The following KIF13B variants were observed in gnomAD, a reference collection of about 807,000 sequenced individuals.
KIF13B encodes the protein kinesin family member 13B.
In KIF13B, 127 loss-of-function variants were observed where a neutral mutation model predicts 222.0. The observed-to-expected ratio is 0.57, with a 90% confidence interval of 0.50 to 0.66. KIF13B has a LOEUF of 0.66. Ranked by LOEUF, KIF13B falls within the 30% of genes least tolerant of loss-of-function variation. The probability of loss-of-function intolerance (pLI) is 0.00; values close to 1 mark genes in which losing one functional copy is unlikely to be tolerated. For missense variants in KIF13B, 2,173 were observed against 2,379.0 expected, an observed-to-expected ratio of 0.91 and a Z score of 1.80; for synonymous variants, 976 against 919.0, an observed-to-expected ratio of 1.06 and a Z score of -1.12.
chr8:29,256,128 T>C (rs1234777873), intron 1 of KIF13B, among the ~76,000 whole-genome samples: 1 of 152,240 alleles, frequency 6.6e-6, no homozygotes, highest in African/African-American at 2.4e-5. Context: ...CTGCATCTTA[T>C]TCATAGTTGC....
chr8:29,126,335 G>T, intron 26 of KIF13B, 147 bp downstream of exon 26: 1 of 609,524 alleles, frequency 1.6e-6, no homozygotes, highest in East Asian at 2.9e-5. Context: ...AACACTCAAT[G>T]TTCCCTACTC....
chr8:29,094,627 T>C (rs1329468658), intron 36 of KIF13B, among the ~76,000 whole-genome samples: 1 of 152,178 alleles, frequency 6.6e-6, no homozygotes, highest in Non-Finnish European at 1.5e-5. Flanking sequence ...ATGAATCACA[T>C]GGATATATAC....
intron 31 of KIF13B, 56 bp downstream of exon 31, chr8:29,116,775 G>A (rs1809617654): frequency 2.6e-6 from 4 of 1,521,752 alleles, no homozygotes; most frequent in Non-Finnish European, 2.7e-6. Context: ...GCACTGCACG[G>A]CCCTACCCTC....
intron 10 of KIF13B, among the ~76,000 whole-genome samples, chr8:29,170,818 C>T (rs542725009): frequency 4.7e-4 from 72 of 152,336 alleles, no homozygotes; most frequent in African/African-American, 1.6e-3. Context: ...CGGCTCACGC[C>T]TGTAATCCCA....
At position 29,134,214 on chromosome 8, in the gene KIF13B, A is replaced by G; in HGVS notation, c.2614-4T>C. On this transcript the variant is annotated splice_region_variant and splice_polypyrimidine_tract_variant and intron_variant, in intron 21 of 39. Coordinates refer to ENST00000524189, the MANE Select transcript of KIF13B (RefSeq NM_015254.4). ...CAGTAGCTTGCAGGATTTTAACCTG[A>G]AGGAAAAAGAAGGCTCTGTGTTTTG... The G allele has an allele frequency of 6.2e-7, 1 of 1,612,034 alleles. No homozygotes were observed. The highest frequency in any genetic ancestry group is 1.1e-5 in the South Asian group (1 of 90,718).
intron 31 of KIF13B, among the ~76,000 whole-genome samples, chr8:29,114,479 A>G (rs1227013952): frequency 2.6e-5 from 4 of 152,186 alleles, no homozygotes; most frequent in African/African-American, 9.7e-5. Flanking sequence ...TACACAAGTC[A>G]AGGTATAGAG....
At chr8:29,115,050 A>G (rs1338714482) in intron 31 of KIF13B, among the ~76,000 whole-genome samples, 1 of 152,224 alleles carries the variant, frequency 6.6e-6, no homozygotes, top group Non-Finnish European at 1.5e-5. Context: ...TTGCCAAGCT[A>G]AAGAGCTGCA....
At position 29,221,059 on chromosome 8, in the gene KIF13B, C is replaced by G. The variant is rs995699016; in HGVS notation, c.149+24287G>C. Among the ~76,000 whole-genome samples the G allele has an allele frequency of 6.0e-5, 9 of 150,046 alleles. No homozygotes were observed. The East Asian group carries it at 1.8e-3, about 29-fold the overall frequency. ...CAAGAGGCTGCTGTGGGAGGATCAC[C>G]TGAGCCCAGGGAAGCTGAGGCTGCA... is the stretch of plus-strand genomic sequence containing the variant. On this transcript the variant is annotated intron_variant, in intron 2 of 39. Coordinates refer to ENST00000524189, the MANE Select transcript of KIF13B (RefSeq NM_015254.4).
intron 32 of KIF13B, among the ~76,000 whole-genome samples, chr8:29,112,075 A>G (rs1809381917): frequency 6.6e-6 from 1 of 152,252 alleles, no homozygotes; most frequent in Non-Finnish European, 1.5e-5. Context: ...ACTATCCAAC[A>G]TGACTTGAGA....
At chr8:29,141,908 G>A (rs896950100) in intron 19 of KIF13B, among the ~76,000 whole-genome samples, 1 of 152,166 alleles carries the variant, frequency 6.6e-6, no homozygotes, top group African/African-American at 2.4e-5. Flanking sequence ...ACAGAAGTCA[G>A]AATGGAAAGT....
Position 29,092,784 on chromosome 8 carries a change from A to G in KIF13B, c.4419T>C (p.Asp1473=). ...KLLKSLFPVR[D]EKRGKRPSPL... ...GAGACGGCCGCTTGCCCCTCTTCTC[A>G]TCGCGGACGGGAAAGAGAGACTTGA... The change falls in exon 37 of 40, where the codon GAT becomes GAC. Residue 1473 remains aspartate (D), a synonymous_variant. Coordinates refer to ENST00000524189, the MANE Select transcript of KIF13B (RefSeq NM_015254.4). The G allele has an allele frequency of 1.2e-6, 2 of 1,613,622 alleles. No homozygotes were observed. Among genetic ancestry groups the G allele is most frequent in the East Asian group, 2.2e-5 (1 of 44,878 alleles).
chr8:29,071,652 G>A lies in KIF13B; in HGVS notation c.5186C>T (p.Thr1729Met), dbSNP rs2133464611. The A allele has an allele frequency of 3.2e-6, 5 of 1,555,100 alleles. No homozygotes were observed. Among genetic ancestry groups the A allele is most frequent in the East Asian group, 2.4e-5 (1 of 41,076 alleles). The stretch of plus-strand genomic sequence containing the variant: ...CAGGTCGAGCTCCACGCCGACCCAC[G>A]TGCCCTCTTGGAAGTCGGCAGGCCC... ...YVGPADFQEG[T>M]WVGVELDLPS... The change falls in exon 39 of 40, where the codon ACG (threonine) becomes ATG (methionine). Residue 1729 changes from threonine (T) to methionine (M), a missense_variant. Around this residue, in one of 2 missense-constraint regions of KIF13B, gnomAD observed 693 missense variants for 656.2 expected, o/e 1.06. Coordinates refer to ENST00000524189, the MANE Select transcript of KIF13B (RefSeq NM_015254.4). This position sits in a 1 kb window ranked among gnomAD's most constrained non-coding sequence, Gnocchi z 4.9.
At position 29,140,451 on chromosome 8, in the gene KIF13B, A is replaced by G. The variant is rs747060971; in HGVS notation, c.2484+17T>C. 6.2e-7 allele frequency: 1 copy of G among 1,610,608 alleles called. No homozygotes were observed. Among genetic ancestry groups the G allele is most frequent in the East Asian group, 2.2e-5 (1 of 44,862 alleles). ...AACTATTCTCTACAGGAAACAAGGC[A>G]TGAAGAGAAAACCAACCTCTCCTTT... On this transcript the variant is annotated intron_variant, in intron 20 of 39. Transcript: ENST00000524189.
At chr8:29,119,342 G>A (rs141397113) in intron 29 of KIF13B, among the ~76,000 whole-genome samples, 2 of 152,250 alleles carry the variant, frequency 1.3e-5, no homozygotes, top group Admixed American at 1.3e-4. Flanking sequence ...GGTCAGAAAC[G>A]AGCAAGGGTG....
At chr8:29,128,204 G>T (rs890455164) in intron 24 of KIF13B, among the ~76,000 whole-genome samples, 3 of 151,326 alleles carry the variant, frequency 2.0e-5, no homozygotes, top group African/African-American at 7.3e-5. Flanking sequence ...TTTATTATGT[G>T]AGACTTGGTA....
intron 2 of KIF13B, among the ~76,000 whole-genome samples, chr8:29,208,795 T>G (rs1256024872): frequency 6.6e-6 from 1 of 152,094 alleles, no homozygotes; most frequent in Non-Finnish European, 1.5e-5. Context: ...TCAAGTATGC[T>G]CCCCACAACA....
chr8:29,088,411 C>T (rs1808144073), intron 37 of KIF13B, among the ~76,000 whole-genome samples: 1 of 152,114 alleles, frequency 6.6e-6, no homozygotes, highest in Non-Finnish European at 1.5e-5. Context: ...TAGGGTCTTG[C>T]TGGGCAGGGT....
intron 2 of KIF13B, among the ~76,000 whole-genome samples, chr8:29,244,804 C>T (rs1046084594): frequency 1.3e-5 from 2 of 152,148 alleles, no homozygotes; most frequent in African/African-American, 4.8e-5. Context: ...TCATCCTCAG[C>T]CCTCGAGTCT....
chr8:29,234,649 ATGAT>A (rs1428899071), intron 2 of KIF13B, among the ~76,000 whole-genome samples: 1 of 149,480 alleles, frequency 6.7e-6, no homozygotes, highest in African/African-American at 2.5e-5. Flanking sequence ...AAATGGTTAA[ATGAT>A]TAATTTTCTT....
Sources: gnomAD v4.1 joint callset for allele counts (sites outside exome capture counted in the v4.1 genomes callset) on GRCh38, gnomAD v4.1.1 for gene constraint, gnomAD v4.1.1 regional missense constraint, Gnocchi (gnomAD v3.1) non-coding constraint, MANE v1.5 for transcripts, NCBI Gene and HGNC (gene_info 2026-07-23, HGNC 2026-07-21) for gene names.